SPAG16: variants seen among roughly 807,000 people sequenced by gnomAD.
SPAG16 encodes sperm associated antigen 16.
Under a neutral mutation model 80.4 loss-of-function variants are expected in SPAG16, and 86 were observed. The ratio of observed to expected loss-of-function variants is 1.07; its 90% CI spans 0.90 to 1.28. The LOEUF (loss-of-function observed/expected upper bound fraction) is 1.28. SPAG16 is among the 50% of genes most tolerant of loss of function. SPAG16 has a pLI of 0.00. For missense variants in SPAG16, 870 were observed against 765.3 expected, an observed-to-expected ratio of 1.14 and a Z score of -1.61; for synonymous variants, 294 against 265.9, an observed-to-expected ratio of 1.11 and a Z score of -1.03.
At chr2:213,897,328 C>A (rs2077035421) in intron 11 of SPAG16, among the ~76,000 whole-genome samples, 1 of 152,088 alleles carries the variant, frequency 6.6e-6, no homozygotes, top group African/African-American at 2.4e-5. Flanking sequence ...CCCCTTCAAC[C>A]TTCAATAAGT....
chr2:214,363,521 C>A (rs1035978010), intron 15 of SPAG16, among the ~76,000 whole-genome samples: 2 of 151,878 alleles, frequency 1.3e-5, no homozygotes, highest in African/African-American at 4.8e-5. Flanking sequence ...ATCTTACATG[C>A]AATTAAAATG....
At chr2:214,046,554 A>G (rs1229870893) in intron 13 of SPAG16, among the ~76,000 whole-genome samples, 1 of 152,332 alleles carries the variant, frequency 6.6e-6, no homozygotes, top group East Asian at 1.9e-4. Context: ...ACATACACAA[A>G]TCAATCAATG....
chr2:214,196,184 A>G (rs2057833285), intron 15 of SPAG16, among the ~76,000 whole-genome samples: 1 of 152,048 alleles, frequency 6.6e-6, no homozygotes, highest in African/African-American at 2.4e-5. Context: ...GACAGAAGGA[A>G]GAAACCATGC....
intron 10 of SPAG16, among the ~76,000 whole-genome samples, chr2:213,856,062 A>G (rs2075151502): frequency 6.6e-6 from 1 of 152,226 alleles, no homozygotes; most frequent in African/African-American, 2.4e-5. Flanking sequence ...CTGTAAAATC[A>G]AAAGCAAGTT....
At chr2:213,420,977 G>A (rs1314926258) in intron 9 of SPAG16, among the ~76,000 whole-genome samples, 1 of 152,196 alleles carries the variant, frequency 6.6e-6, no homozygotes, top group African/African-American at 2.4e-5. Context: ...CAGCAGGGGA[G>A]GTGTGGCCAG....
chr2:213,963,668 C>T (rs1221801122), intron 12 of SPAG16, among the ~76,000 whole-genome samples: 1 of 152,058 alleles, frequency 6.6e-6, no homozygotes, highest in African/African-American at 2.4e-5. Context: ...TTATTTCTTC[C>T]TTCAAATTAT....
intron 7 of SPAG16, among the ~76,000 whole-genome samples, chr2:213,363,667 C>G (rs2066120269): frequency 6.6e-6 from 1 of 151,916 alleles, no homozygotes; most frequent in South Asian, 2.1e-4. Flanking sequence ...TAAAAACAAC[C>G]TCTTCATATT....
intron 11 of SPAG16, among the ~76,000 whole-genome samples, chr2:213,910,488 C>CT (rs746294933): frequency 0.045 from 3,692 of 82,330 alleles, 916 homozygotes; most frequent in African/African-American, 0.096. Flanking sequence ...TGTAAGAATT[C>CT]TTTTTTTTTT....
chr2:213,807,926 A>G (rs1320274041), intron 10 of SPAG16, among the ~76,000 whole-genome samples: 1 of 152,174 alleles, frequency 6.6e-6, no homozygotes, highest in Admixed American at 6.5e-5. Context: ...TTTTCTATTT[A>G]TTGTTTCACC....
rs184375646 is a variant in SPAG16 at position 213,991,523 on chromosome 2, A to G, written c.1401-22428A>G. Among the ~76,000 whole-genome samples the G allele has an allele frequency of 3.5e-3, 533 of 152,246 alleles. 6 individuals are homozygous for G. The highest frequency in any genetic ancestry group is 4.6e-3 in the Non-Finnish European group (310 of 68,004). On this transcript the variant is annotated intron_variant, in intron 12 of 15. Coordinates refer to ENST00000331683, the MANE Select transcript of SPAG16 (RefSeq NM_024532.5). ...CTATTTTATGGTTTGGCATCCTCAC[A>G]TTCCATTTATTCATCTGAATCCATG...
intron 14 of SPAG16, among the ~76,000 whole-genome samples, chr2:214,147,669 T>C (rs2055728955): frequency 6.6e-6 from 1 of 152,216 alleles, no homozygotes; most frequent in Admixed American, 6.5e-5. Context: ...ATTCTTATAA[T>C]ACATGTTTAC....
intron 15 of SPAG16, among the ~76,000 whole-genome samples, chr2:214,183,354 G>A (rs566095337): frequency 1.8e-4 from 27 of 151,926 alleles, no homozygotes; most frequent in Non-Finnish European, 2.9e-4. Context: ...TTAAAAATAG[G>A]GGCTATTTTT....
intron 10 of SPAG16, among the ~76,000 whole-genome samples, chr2:213,792,519 C>G (rs1454344640): frequency 6.6e-6 from 1 of 150,862 alleles, no homozygotes; most frequent in African/African-American, 2.4e-5. Flanking sequence ...TTAGGACACT[C>G]TAGCAGCATT....
At chr2:214,337,299 A>G (rs1697367823) in intron 15 of SPAG16, among the ~76,000 whole-genome samples, 1 of 152,188 alleles carries the variant, frequency 6.6e-6, no homozygotes, top group African/African-American at 2.4e-5. Flanking sequence ...TTATTAAGAA[A>G]TCCACTCCCT....
intron 15 of SPAG16, among the ~76,000 whole-genome samples, chr2:214,362,958 A>C (rs1229204480): frequency 6.6e-6 from 1 of 151,858 alleles, no homozygotes; most frequent in African/African-American, 2.4e-5. Flanking sequence ...AGTTCCATTG[A>C]TTCATATTTG....
At chr2:213,290,080 G>A (rs1559374765) in intron 1 of SPAG16, among the ~76,000 whole-genome samples, 1 of 152,178 alleles carries the variant, frequency 6.6e-6, no homozygotes, top group Non-Finnish European at 1.5e-5. Context: ...ACTGTGATGG[G>A]CTTAGGGCTC....
chr2:213,909,409 G>T (rs193213278), intron 11 of SPAG16, among the ~76,000 whole-genome samples: 2 of 152,058 alleles, frequency 1.3e-5, no homozygotes, highest in African/African-American at 2.4e-5. Flanking sequence ...AAAAGAGCCC[G>T]CATCGCCAAG....
intron 10 of SPAG16, among the ~76,000 whole-genome samples, chr2:213,810,217 C>A (rs927961542): frequency 6.6e-6 from 1 of 151,968 alleles, no homozygotes; most frequent in Non-Finnish European, 1.5e-5. Context: ...TATTTTGTTG[C>A]CAAAGTAGAC....
chr2:213,904,823 GAGA>G (rs372823767), intron 11 of SPAG16, among the ~76,000 whole-genome samples: 88 of 152,186 alleles, frequency 5.8e-4, no homozygotes, highest in African/African-American at 1.8e-3. Context: ...TGAGTAGAAG[GAGA>G]AGAAGTCAGA....
Sources: allele counts gnomAD v4.1 joint callset (sites outside exome capture counted in the v4.1 genomes callset), GRCh38; gene constraint gnomAD v4.1.1; transcripts MANE v1.5; gene names NCBI Gene and HGNC (gene_info 2026-07-23, HGNC 2026-07-21).